Variants in ADK observed in about 807,000 individuals in gnomAD.
ADK encodes adenosine kinase.
ADK carries 24 observed loss-of-function variants against 44.7 expected under a neutral mutation model. That is an observed-to-expected ratio of 0.54 (90% CI 0.39 to 0.76). ADK has a LOEUF of 0.76. Among genes scored for constraint, ADK ranks in the 30% least tolerant of loss-of-function variants. ADK has a pLI of 0.00. For synonymous variants in ADK, 128 were observed against 142.6 expected (o/e 0.90, Z 0.73); for missense variants, 321 against 425.1 (o/e 0.76, Z 2.15).
intron 7 of ADK, among the ~76,000 whole-genome samples, chr10:74,570,427 G>T (rs1457841353): frequency 2.0e-5 from 3 of 152,062 alleles, no homozygotes; most frequent in Non-Finnish European, 4.4e-5. Context: ...TCTTCCATTT[G>T]TTTGTATCCT....
chr10:74,284,220 A>G (rs1170735804), intron 3 of ADK, among the ~76,000 whole-genome samples: 1 of 150,430 alleles, frequency 6.6e-6, no homozygotes, highest in Non-Finnish European at 1.5e-5. Context: ...TTGGCCTCCC[A>G]AAGTGCTAGG....
At chr10:74,533,249 AT>A (rs1173424538) in intron 7 of ADK, among the ~76,000 whole-genome samples, 6 of 152,202 alleles carry the variant, frequency 3.9e-5, no homozygotes, top group African/African-American at 1.4e-4. Flanking sequence ...GTTTAGTGTA[AT>A]TCAGTCAGAA....
intron 9 of ADK, among the ~76,000 whole-genome samples, chr10:74,609,752 A>G (rs1283446474): frequency 6.6e-6 from 1 of 152,190 alleles, no homozygotes; most frequent in East Asian, 1.9e-4. Context: ...ACTTAGCAAT[A>G]ATGTATCAAA....
chr10:74,532,071 A>G (rs1849308158), intron 7 of ADK, among the ~76,000 whole-genome samples: 1 of 152,252 alleles, frequency 6.6e-6, no homozygotes, highest in Non-Finnish European at 1.5e-5. Flanking sequence ...AGAGTAATTC[A>G]TCATGACTAG....
At chr10:74,545,433 C>A (rs2133749712) in intron 7 of ADK, among the ~76,000 whole-genome samples, 1 of 152,260 alleles carries the variant, frequency 6.6e-6, no homozygotes, top group South Asian at 2.1e-4. Context: ...CTAGGTTCCA[C>A]CAAAAATATT....
intron 3 of ADK, among the ~76,000 whole-genome samples, chr10:74,302,090 G>GGTTTTTTTTTT (rs1840055915): frequency 5.9e-5 from 1 of 17,032 alleles, no homozygotes; most frequent in African/African-American, 2.6e-4. Flanking sequence ...TTTCTTTTCT[G>GGTTTTTTTTTT]TTTTTTTTTT....
At chr10:74,474,514 C>G (rs907515710) in intron 6 of ADK, among the ~76,000 whole-genome samples, 1 of 150,450 alleles carries the variant, frequency 6.6e-6, no homozygotes, top group East Asian at 2.0e-4. Flanking sequence ...TCCTTCCCTT[C>G]CCTTCCCTTT....
chr10:74,380,516 G>T (rs954419357), intron 4 of ADK, among the ~76,000 whole-genome samples: 1 of 151,962 alleles, frequency 6.6e-6, no homozygotes, highest in Non-Finnish European at 1.5e-5. Flanking sequence ...CCAGCACTTT[G>T]GGGAGGCTGA....
chr10:74,514,656 TCTC>T (rs1416946254), intron 6 of ADK, among the ~76,000 whole-genome samples: 2 of 152,304 alleles, frequency 1.3e-5, no homozygotes, highest in East Asian at 1.9e-4. Context: ...CATAAACTCT[TCTC>T]CTGACTTTGT....
At chr10:74,197,382 G>C (rs1457812680) in intron 1 of ADK, among the ~76,000 whole-genome samples, 1 of 152,136 alleles carries the variant, frequency 6.6e-6, no homozygotes, top group Non-Finnish European at 1.5e-5. Flanking sequence ...GCTTGCTTAA[G>C]TCTCCCAGCA....
intron 4 of ADK, among the ~76,000 whole-genome samples, chr10:74,354,688 C>G (rs1160259460): frequency 6.6e-6 from 1 of 152,136 alleles, no homozygotes; most frequent in Non-Finnish European, 1.5e-5. Flanking sequence ...GTTCTGCCAA[C>G]CAAGTAACTA....
At chr10:74,501,380 G>A (rs1407437453) in intron 6 of ADK, among the ~76,000 whole-genome samples, 8 of 152,072 alleles carry the variant, frequency 5.3e-5, no homozygotes, top group East Asian at 1.9e-4. Context: ...ATAAAATTTC[G>A]TGTTTATAAA....
chr10:74,635,734 C>G (rs1853602899), intron 9 of ADK, among the ~76,000 whole-genome samples: 1 of 152,014 alleles, frequency 6.6e-6, no homozygotes, highest in Non-Finnish European at 1.5e-5. Context: ...GCCAACATTT[C>G]CAGAGTCAGA....
intron 6 of ADK, chr10:74,423,812 C>T (rs951017975): frequency 9.0e-5 from 28 of 311,286 alleles, no homozygotes; most frequent in Non-Finnish European, 1.7e-4. Context: ...TCCTGTCCAG[C>T]GCTGCCCCAG....
intron 1 of ADK, among the ~76,000 whole-genome samples, chr10:74,152,947 A>C (rs868315763): frequency 6.6e-6 from 1 of 152,140 alleles, no homozygotes; most frequent in African/African-American, 2.4e-5. Context: ...ACAAATCTCT[A>C]ATTTTGTGGG....
At chr10:74,371,623 T>C in intron 4 of ADK, 2 of 1,017,662 alleles carry the variant, frequency 2.0e-6, no homozygotes, top group Non-Finnish European at 1.5e-6. Context: ...GGTACCAATC[T>C]TGACTTCCAG....
At chr10:74,655,508 TG>T (rs949893983) in intron 9 of ADK, 103 of 491,810 alleles carry the variant, frequency 2.1e-4, no homozygotes, top group African/African-American at 1.9e-3. Flanking sequence ...TCACTCAGGG[TG>T]GCTTTTTAAG....
intron 6 of ADK, among the ~76,000 whole-genome samples, chr10:74,505,054 G>T (rs1020152187): frequency 3.3e-5 from 5 of 152,142 alleles, no homozygotes; most frequent in Non-Finnish European, 7.4e-5. Flanking sequence ...GGAGGGTGGG[G>T]AAGAGCTGGT....
chr10:74,493,745 T>C (rs183763709), intron 6 of ADK, among the ~76,000 whole-genome samples: 5 of 152,224 alleles, frequency 3.3e-5, no homozygotes, highest in Admixed American at 2.0e-4. Flanking sequence ...GTTGAAGAAA[T>C]AGATCATTTT....
Sources: allele counts gnomAD v4.1 joint callset (sites outside exome capture counted in the v4.1 genomes callset), GRCh38; gene constraint gnomAD v4.1.1; transcripts MANE v1.5; gene names NCBI Gene and HGNC (gene_info 2026-07-23, HGNC 2026-07-21).